Variants in PTPRD observed in about 807,000 individuals in gnomAD.
PTPRD encodes protein tyrosine phosphatase receptor type D.
Under a neutral mutation model 214.5 loss-of-function variants are expected in PTPRD, and 34 were observed. The ratio of observed to expected loss-of-function variants is 0.16; its 90% CI spans 0.12 to 0.21. The LOEUF (loss-of-function observed/expected upper bound fraction) is 0.21, where lower values mean the gene tolerates loss of function less well. Among genes scored for constraint, PTPRD ranks in the 10% least tolerant of loss-of-function variants. PTPRD has a pLI of 1.00. For synonymous variants in PTPRD, 1,128 were observed against 845.7 expected (o/e 1.33, Z -5.79); for missense variants, 2,545 against 2,398.7 (o/e 1.06, Z -1.27).
intron 3 of PTPRD, among the ~76,000 whole-genome samples, chr9:10,108,112 G>A (rs1205181173): frequency 6.6e-6 from 1 of 151,876 alleles, no homozygotes; most frequent in African/African-American, 2.4e-5. Flanking sequence ...CCTGATTCTT[G>A]GAGTCAAGTC....
At chr9:9,851,796 A>T (rs918889975) in intron 5 of PTPRD, among the ~76,000 whole-genome samples, 2 of 152,178 alleles carry the variant, frequency 1.3e-5, no homozygotes, top group African/African-American at 2.4e-5. Context: ...AAACAACAAC[A>T]ACTAAGTATA....
At chr9:10,563,383 C>G (rs2064602222) in intron 2 of PTPRD, among the ~76,000 whole-genome samples, 1 of 152,130 alleles carries the variant, frequency 6.6e-6, no homozygotes, top group Non-Finnish European at 1.5e-5. Flanking sequence ...AGACAGAAAA[C>G]TATCCAGCCA....
intron 9 of PTPRD, among the ~76,000 whole-genome samples, chr9:9,252,802 T>TA (rs1396010414): frequency 6.6e-6 from 1 of 152,128 alleles, no homozygotes; most frequent in African/African-American, 2.4e-5. Context: ...CTCATGCTAA[T>TA]ACGCTTCTGT....
At chr9:9,002,276 T>G (rs1017630879) in intron 11 of PTPRD, among the ~76,000 whole-genome samples, 6 of 151,822 alleles carry the variant, frequency 4.0e-5, no homozygotes, top group Non-Finnish European at 5.9e-5. Context: ...TTGTAGATCT[T>G]AATATTAATG....
chr9:9,723,444 A>C (rs1477718685), intron 7 of PTPRD, among the ~76,000 whole-genome samples: 1 of 151,992 alleles, frequency 6.6e-6, no homozygotes, highest in Non-Finnish European at 1.5e-5. Context: ...TTTTATAGTA[A>C]ATTTTGAAAT....
chr9:10,176,831 A>C (rs1564336997), intron 3 of PTPRD, among the ~76,000 whole-genome samples: 1 of 151,988 alleles, frequency 6.6e-6, no homozygotes, highest in Non-Finnish European at 1.5e-5. Flanking sequence ...ATTGATATGG[A>C]ATAAACACTT....
intron 8 of PTPRD, among the ~76,000 whole-genome samples, chr9:9,562,043 A>G (rs1303134624): frequency 6.6e-6 from 1 of 152,128 alleles, no homozygotes; most frequent in African/African-American, 2.4e-5. Flanking sequence ...TTGATACCCA[A>G]CTTCGGAGTC....
chr9:8,375,965 G>A lies in PTPRD; in HGVS notation c.4632C>T (p.Pro1544=), dbSNP rs375237167. 15 of 1,612,586 alleles carry A rather than the reference G, an allele frequency of 9.3e-6. No homozygotes were observed. Among genetic ancestry groups the A allele is most frequent in the South Asian group, 5.5e-5 (5 of 91,028 alleles). ...AGTGCACAACCATCGGACCAGCATC[G>A]GGAGGGTTACAGGTTTTGACTCTAC... is the stretch of plus-strand genomic sequence containing the variant. ...FLRRVKTCNP[P]DAGPMVVHCS... is the part of the protein sequence containing the mutation. Residue 1544 remains proline, a synonymous_variant, in exon 39 of 46, where the codon CCC becomes CCT. Transcript: ENST00000381196.
At chr9:9,158,896 G>T (rs1427758764) in intron 10 of PTPRD, among the ~76,000 whole-genome samples, 3 of 152,038 alleles carry the variant, frequency 2.0e-5, no homozygotes, top group South Asian at 4.1e-4. Flanking sequence ...ACGCAAGTAT[G>T]GTTCAACATA....
intron 8 of PTPRD, among the ~76,000 whole-genome samples, chr9:9,440,852 G>A (rs112635483): frequency 6.4e-4 from 97 of 152,232 alleles, no homozygotes; most frequent in African/African-American, 2.3e-3. Context: ...TTAGCACATG[G>A]GCTTTTCTGA....
chr9:9,697,981 A>G (rs772650575), intron 7 of PTPRD, among the ~76,000 whole-genome samples: 2 of 152,156 alleles, frequency 1.3e-5, no homozygotes, highest in Non-Finnish European at 2.9e-5. Context: ...TCTCAGCTCC[A>G]GGAATTCTGT....
chr9:9,421,795 G>C (rs1215983070), intron 8 of PTPRD, among the ~76,000 whole-genome samples: 2 of 152,116 alleles, frequency 1.3e-5, no homozygotes, highest in African/African-American at 4.8e-5. Flanking sequence ...CGTCTCAGCA[G>C]TCCTGGCACA....
chr9:9,190,361 T>TCCCATGCTATTC, intron 9 of PTPRD, among the ~76,000 whole-genome samples: 1 of 152,164 alleles, frequency 6.6e-6, no homozygotes, highest in Admixed American at 6.6e-5. Context: ...GGCCAGTATT[T>TCCCATGCTATTC]CCCATGCTAT....
At chr9:8,454,686 G>C in intron 33 of PTPRD, 1 of 1,397,616 alleles carries the variant, frequency 7.2e-7, no homozygotes, top group South Asian at 1.2e-5. Context: ...CAAGATTTAA[G>C]AAATAGTGTT....
At chr9:9,641,213 T>A (rs1361612398) in intron 7 of PTPRD, among the ~76,000 whole-genome samples, 1 of 152,220 alleles carries the variant, frequency 6.6e-6, no homozygotes, top group Non-Finnish European at 1.5e-5. Context: ...ATCAAAATCA[T>A]GATACTCTTG....
intron 11 of PTPRD, among the ~76,000 whole-genome samples, chr9:8,787,434 A>T (rs1213608520): frequency 3.3e-5 from 5 of 152,044 alleles, no homozygotes; most frequent in African/African-American, 1.2e-4. Context: ...TTATCTTAAA[A>T]TTTTTTACCT....
intron 14 of PTPRD, among the ~76,000 whole-genome samples, chr9:8,546,135 C>G (rs1021256164): frequency 6.6e-6 from 1 of 152,126 alleles, no homozygotes; most frequent in Admixed American, 6.6e-5. Context: ...AAATGACAGT[C>G]AAAACAACTT....
chr9:9,052,227 G>C (rs972541463), intron 10 of PTPRD, among the ~76,000 whole-genome samples: 1 of 152,050 alleles, frequency 6.6e-6, no homozygotes, highest in Non-Finnish European at 1.5e-5. Flanking sequence ...CATTCATGAG[G>C]GTTCTGCCCT....
rs564137804 is a variant in PTPRD, at chr9:10,160,436, C to T, written c.-544-126646G>A. Among the ~76,000 whole-genome samples the T allele has an allele frequency of 6.6e-5, 10 of 151,974 alleles. No homozygotes were observed. In the South Asian group the frequency reaches 2.1e-3, roughly 32 times the overall value. Reference sequence around the variant, plus strand: ...CCCAACCTTTCAAGAAGAATGAATACCAATTCTTCTCAAAGATCATAGCAG... The same window carrying T: ...CCCAACCTTTCAAGAAGAATGAATATCAATTCTTCTCAAAGATCATAGCAG... On this transcript the variant is annotated intron_variant, in intron 3 of 45. Transcript: ENST00000381196.
Sources: gnomAD v4.1 joint callset for allele counts (sites outside exome capture counted in the v4.1 genomes callset) on GRCh38, gnomAD v4.1.1 for gene constraint, MANE v1.5 for transcripts, NCBI Gene and HGNC (gene_info 2026-07-23, HGNC 2026-07-21) for gene names.